Variants in VPS13C observed in about 807,000 individuals in gnomAD.
VPS13C encodes the protein intermembrane lipid transfer protein VPS13C.
VPS13C carries 358 observed loss-of-function variants against 456.8 expected under a neutral mutation model. The observed-to-expected ratio is 0.78, with a 90% CI of 0.72 to 0.86. VPS13C has a LOEUF of 0.86. VPS13C is among the 40% of genes least tolerant of loss of function. The pLI is 0.00. For synonymous variants in VPS13C, 1,578 were observed against 1,486.7 expected (o/e 1.06, Z -1.41); for missense variants, 4,818 against 4,385.4 (o/e 1.10, Z -2.79).
In VPS13C at chr15:61,925,476, C is replaced by G. The variant is rs758524299; in HGVS notation, c.6589G>C (p.Val2197Leu). ...ASGKQNINIM[V>L]KEFIIKISPI... ...CTAACCTTAATTATAAATTCTTTAA[C>G]CATAATATTTATATTTTGCTTTCCT... The change falls in exon 53 of 85, where the codon GTT (valine) becomes CTT (leucine). Residue 2197 changes from valine (V) to leucine (L), a missense_variant. By Grantham distance (32) the Val-to-Leu change is conservative. This residue lies in a region of VPS13C where 4,552 missense variants were observed against 4,130.6 expected (regional missense o/e 1.10). Coordinates refer to ENST00000644861, the MANE Select transcript of VPS13C (RefSeq NM_020821.3). 1 of 1,586,818 alleles carries G rather than the reference C, an allele frequency of 6.3e-7. No individual in the cohort carries two copies. The highest frequency in any genetic ancestry group is 8.6e-7 in the Non-Finnish European group (1 of 1,164,756).
chr15:61,880,008 A>C (rs547305591), intron 73 of VPS13C, among the ~76,000 whole-genome samples: 1 of 152,258 alleles, frequency 6.6e-6, no homozygotes, highest in African/African-American at 2.4e-5. Context: ...AATCTGGCCC[A>C]TTACACAAGT....
At chr15:62,041,597 C>G (rs1045997682) in intron 2 of VPS13C, among the ~76,000 whole-genome samples, 1 of 152,108 alleles carries the variant, frequency 6.6e-6, no homozygotes, top group Non-Finnish European at 1.5e-5. Flanking sequence ...GCGGGTGGAT[C>G]GCCTGAGTTC....
rs192972486 is a variant in VPS13C at position 61,982,411 on chromosome 15, A to G, written c.2029+48T>C. The G allele has an allele frequency of 5.6e-4, 830 of 1,492,240 alleles. 2 individuals carry two copies. The highest frequency in any genetic ancestry group is 1.3e-3 in the South Asian group (102 of 78,818). 92.4% of individuals were successfully genotyped at this position (1,492,240 alleles called of 1,614,324 possible). On this transcript the variant is annotated intron_variant, in intron 21 of 84. Coordinates refer to ENST00000644861, the MANE Select transcript of VPS13C (RefSeq NM_020821.3). ...TACAATGTTTACATTAGAGTAGGCA[A>G]AATTTTTAAGCTTAGCTGATGCTTA... is the stretch of plus-strand genomic sequence containing the variant.
At chr15:62,037,266 ATTATATAATATATTATATATAT>A (rs1567136506) in intron 3 of VPS13C, among the ~76,000 whole-genome samples, 1 of 22,144 alleles carries the variant, frequency 4.5e-5, no homozygotes, top group African/African-American at 1.7e-4. Flanking sequence ...TATATATTAT[ATTATATAATATATTATATATAT>A]TATATTATAT....
rs770035077 is a variant in VPS13C at position 61,962,403 on chromosome 15, C to A, written c.3571G>T (p.Val1191Phe). The A allele has an allele frequency of 6.3e-7, 1 of 1,595,298 alleles. No individual in the cohort carries two copies. The highest frequency in any genetic ancestry group is 1.2e-5 in the South Asian group (1 of 86,522). The change falls in exon 34 of 85, where the codon GTC (valine) becomes TTC (phenylalanine). Residue 1191 changes from valine (V) to phenylalanine (F), a missense_variant. Transcript: ENST00000644861. ...GACATAAGGAATTTATGAAGATAGA[C>A]AATCTGAATACAGCCAACATTCAGA... ...LSLNVGCIQI[V>F]YLHKFLMSLL...
intron 53 of VPS13C, 94 bp downstream of exon 53, chr15:61,925,362 T>A (rs1284427099): frequency 3.3e-6 from 2 of 610,436 alleles, no homozygotes; most frequent in Admixed American, 3.8e-5. Flanking sequence ...GCTTGAGTTA[T>A]GAGAGACATC....
At chr15:62,013,157 C>A in intron 10 of VPS13C, 38 bp from the exon 11 acceptor site, 1 of 1,452,026 alleles carries the variant, frequency 6.9e-7, no homozygotes, top group Non-Finnish European at 9.5e-7. Context: ...GCAATCAACA[C>A]ACTGAAATTA....
At chr15:62,053,874 C>T (rs935109304) in intron 1 of VPS13C, among the ~76,000 whole-genome samples, 6 of 152,164 alleles carry the variant, frequency 3.9e-5, no homozygotes, top group Non-Finnish European at 7.3e-5. Flanking sequence ...GTCTGGTTTG[C>T]AGGGCCACAG....
chr15:62,000,637 C>T lies in VPS13C; in HGVS notation c.1291-11G>A. On this transcript the variant is annotated splice_polypyrimidine_tract_variant and intron_variant, in intron 15 of 84. Transcript: ENST00000644861. ...AGTCTTCTCCAAGTCCTGTAAAAAA[C>T]AGAGGCACTTATAAACAAGAAATTT... 1 of 1,590,030 alleles carries T rather than the reference C, an allele frequency of 6.3e-7. No homozygotes were observed. The highest frequency in any genetic ancestry group is 2.3e-5 in the East Asian group (1 of 44,090).
intron 31 of VPS13C, 89 bp downstream of exon 31, chr15:61,964,610 G>A: frequency 4.8e-6 from 6 of 1,249,370 alleles, no homozygotes; most frequent in Non-Finnish European, 6.6e-6. Flanking sequence ...GTATTTAAAT[G>A]ACTGAGTCAG....
intron 27 of VPS13C, 145 bp downstream of exon 27, chr15:61,972,480 G>A (rs2045584208): frequency 1.5e-6 from 1 of 654,030 alleles, no homozygotes; most frequent in Admixed American, 2.8e-5. Context: ...GTGTGTGTGA[G>A]AGTGTGTATG....
intron 66 of VPS13C, among the ~76,000 whole-genome samples, chr15:61,895,632 C>A (rs1455812381): frequency 6.6e-6 from 1 of 152,020 alleles, no homozygotes; most frequent in Non-Finnish European, 1.5e-5. Flanking sequence ...AAACAGTCTG[C>A]TAATAACGAA....
intron 15 of VPS13C, among the ~76,000 whole-genome samples, chr15:62,001,672 C>T (rs1302575515): frequency 6.6e-6 from 1 of 152,164 alleles, no homozygotes; most frequent in East Asian, 1.9e-4. Context: ...CTCCCCCTCC[C>T]CACAACCCAC....
chr15:62,005,265 C>T (rs996026785), intron 15 of VPS13C, among the ~76,000 whole-genome samples: 14 of 152,286 alleles, frequency 9.2e-5, no homozygotes, highest in African/African-American at 2.4e-4. Flanking sequence ...GATCCCTTTA[C>T]CATTAAGTAA....
At chr15:61,952,006 C>A (rs762457884) in intron 38 of VPS13C, 26 bp from the exon 39 acceptor site, 4 of 1,604,488 alleles carry the variant, frequency 2.5e-6, no homozygotes, top group Non-Finnish European at 3.4e-6. Flanking sequence ...AGTATTACCA[C>A]CAACTATTTC....
chr15:61,882,922 G>GA (rs1895979425), intron 68 of VPS13C, among the ~76,000 whole-genome samples, 186 bp from the exon 69 acceptor site: 1 of 151,420 alleles, frequency 6.6e-6, no homozygotes, highest in East Asian at 1.9e-4. Context: ...CCAGTTATTA[G>GA]AAAAAAAAGA....
chr15:62,030,187 T>C (rs1169679139), intron 5 of VPS13C, among the ~76,000 whole-genome samples: 1 of 152,132 alleles, frequency 6.6e-6, no homozygotes, highest in African/African-American at 2.4e-5. Context: ...GAATTAAAGA[T>C]AAATTTACAT....
chr15:61,934,171 T>C, intron 49 of VPS13C, 48 bp downstream of exon 49: 1 of 1,289,014 alleles, frequency 7.8e-7, no homozygotes, highest in Non-Finnish European at 1.1e-6. Flanking sequence ...TAAAACTGAC[T>C]ATCAAGAGCT....
Position 61,867,804 on chromosome 15 carries a change from G to A in VPS13C, c.10863+855C>T. ...CCCACTACTATGAAAAGTTCAGATG[G>A]AGGTGAGAGTTTTAAAGAAAATTTC... On this transcript the variant is annotated intron_variant, in intron 81 of 84. Coordinates refer to ENST00000644861, the MANE Select transcript of VPS13C (RefSeq NM_020821.3). The surrounding 1 kb of genome is among the most constrained non-coding windows in gnomAD (Gnocchi z 5.0). 1 of 1,517,628 alleles carries A rather than the reference G, an allele frequency of 6.6e-7. No homozygotes were observed. The highest frequency in any genetic ancestry group is 8.8e-7 in the Non-Finnish European group (1 of 1,133,772). The allele number at this position is 1,517,628 out of a possible 1,614,324, so 94.0% of individuals were successfully genotyped here. A position where few individuals can be genotyped will look rare whatever the true frequency, so the allele number is the denominator to read the frequency against.
Sources: allele counts gnomAD v4.1 joint callset (sites outside exome capture counted in the v4.1 genomes callset), GRCh38; gene constraint gnomAD v4.1.1; regional missense constraint gnomAD v4.1.1; non-coding constraint Gnocchi (gnomAD v3.1); transcripts MANE v1.5; gene names NCBI Gene and HGNC (gene_info 2026-07-23, HGNC 2026-07-21).